The following POLR2F variants were observed in gnomAD, a reference collection of about 807,000 sequenced individuals.
POLR2F encodes the protein DNA-directed RNA polymerases I, II, and III subunit RPABC2.
A neutral mutation model predicts 22.7 loss-of-function variants in POLR2F; 12 were observed. The observed-to-expected ratio is 0.53, with a 90% confidence interval of 0.34 to 0.86. POLR2F has a LOEUF of 0.86. Ranked by LOEUF, POLR2F falls within the 40% of genes least tolerant of loss-of-function variation. The pLI, the probability that POLR2F is intolerant of heterozygous loss-of-function variation, is 0.02. For missense variants in POLR2F, 126 were observed against 171.5 expected (o/e 0.73, Z 1.48); for synonymous variants, 57 against 66.0 (o/e 0.86, Z 0.66).
Position 37,953,706 on chromosome 22 carries a change from G to T in POLR2F, c.-82G>T. 2 of 1,524,692 alleles carry T rather than the reference G, an allele frequency of 1.3e-6. No homozygotes were observed. The highest frequency in any genetic ancestry group is 8.9e-7 in the Non-Finnish European group (1 of 1,126,224). The allele number at this position is 1,524,692 out of a possible 1,614,324, so 94.4% of individuals were successfully genotyped here. On this transcript the variant is annotated 5_prime_UTR_variant, in exon 1 of 5. Coordinates refer to ENST00000442738, the MANE Select transcript of POLR2F (RefSeq NM_021974.5). ...ACGGCGCAGGCGCAAGATAAGCTAGGAGCCGCGCGAGTCGTAGTGTCGCTG... is the reference window on the plus strand; with the variant it reads ...ACGGCGCAGGCGCAAGATAAGCTAGTAGCCGCGCGAGTCGTAGTGTCGCTG...
intron 3 of POLR2F, among the ~76,000 whole-genome samples, chr22:37,960,854 T>TA (rs1931609213): frequency 6.8e-6 from 1 of 147,586 alleles, no homozygotes; most frequent in East Asian, 2.0e-4. Flanking sequence ...CTTTTTTCTT[T>TA]TTTTTTTTTT....
At chr22:37,965,923 G>A (rs1323389092) in intron 3 of POLR2F, among the ~76,000 whole-genome samples, 1 of 152,186 alleles carries the variant, frequency 6.6e-6, no homozygotes, top group South Asian at 2.1e-4. Context: ...TGGCTTCCTA[G>A]AGGAGATGGG....
intron 1 of POLR2F, among the ~76,000 whole-genome samples, chr22:38,001,110 G>A (rs1357442371): frequency 6.6e-6 from 1 of 152,146 alleles, no homozygotes; most frequent in African/African-American, 2.4e-5. Flanking sequence ...AGAAGGACTA[G>A]AGTCAACACT....
chr22:37,971,054 C>T, downstream of POLR2F: 1 of 343,804 alleles, frequency 2.9e-6, no homozygotes, highest in Non-Finnish European at 5.8e-6. Context: ...CTTCTTGGTG[C>T]CCTGCCTCTC....
chr22:38,022,004 G>A lies in POLR2F; in HGVS notation c.121-3865G>A, dbSNP rs542605358. Among the ~76,000 whole-genome samples, 236 of 149,978 alleles carry A rather than the reference G, an allele frequency of 1.6e-3. 1 individual carries two copies. Among genetic ancestry groups the A allele is most frequent in the African/African-American group, 5.5e-3 (222 of 40,664 alleles). On this transcript the variant is annotated intron_variant, in intron 1 of 2. Transcript: ENST00000333418. ...AAATTAGCCAGGCTTGGTGGTGGAC[G>A]CCTGTAATCCCAGCTACTCAGGAGG...
At chr22:38,002,528 A>G (rs1192069357) in intron 1 of POLR2F, among the ~76,000 whole-genome samples, 1 of 152,022 alleles carries the variant, frequency 6.6e-6, no homozygotes, top group Non-Finnish European at 1.5e-5. Flanking sequence ...ACCTGCCACC[A>G]TGCCCGGCTA....
chr22:37,998,834 GGGAGAGGAGAGGAGA>G (rs879845284), intron 1 of POLR2F, among the ~76,000 whole-genome samples: 3 of 151,864 alleles, frequency 2.0e-5, no homozygotes, highest in Admixed American at 1.3e-4. Context: ...GAGAGAGAGA[GGGAGAGGAGAGGAGA>G]GGAGAGGAGA....
rs1316746197 is a variant in POLR2F at position 37,997,221 on chromosome 22, C to T, written c.120+10909C>T. Among the ~76,000 whole-genome samples the T allele has an allele frequency of 6.6e-6, 1 of 152,106 alleles. No homozygotes were observed. On this transcript the variant is annotated intron_variant, in intron 1 of 2. Transcript: ENST00000333418. This position sits in a 1 kb window ranked among gnomAD's most constrained non-coding sequence, Gnocchi z 4.4. The stretch of plus-strand genomic sequence containing the variant: ...CATCCCCTCCTCTGAAGGCCTCTTC[C>T]CCCTGACCTTTCTCCCTTCTTTTCC...
At chr22:37,983,410 C>A, upstream of POLR2F, 1 of 1,610,932 alleles carries the variant, frequency 6.2e-7, no homozygotes, top group Non-Finnish European at 8.5e-7. The surrounding 1 kb of genome is among the most constrained non-coding windows in gnomAD (Gnocchi z 9.5). Context: ...GGTGCGGGTA[C>A]TGGTCCGCGA....
rs1188147371 is a variant in POLR2F, at chr22:38,031,715, CTG to C, written c.453-9350_453-9349del. ...GAAGGTTGCTTCCAGCCTGAAAGTG[CTG>C]TGAGTCCATGTCTCAAACCCGCGTC... is the stretch of plus-strand genomic sequence containing the variant. On this transcript the variant is annotated intron_variant, in intron 5 of 5. Coordinates refer to the POLR2F transcript ENST00000407936. The surrounding 1 kb of genome is among the most constrained non-coding windows in gnomAD (Gnocchi z 4.1). Among the ~76,000 whole-genome samples the C allele has an allele frequency of 1.3e-5, 2 of 152,178 alleles. No individual in the cohort carries two copies. Among genetic ancestry groups the C allele is most frequent in the East Asian group, 3.9e-4 (2 of 5,190 alleles).
chr22:37,994,574 A>G (rs1258874609), intron 1 of POLR2F, among the ~76,000 whole-genome samples: 1 of 152,140 alleles, frequency 6.6e-6, no homozygotes, highest in African/African-American at 2.4e-5. Context: ...GCTGGAGTGC[A>G]GTGGAGTGAT....
chr22:37,965,163 G>A (rs972900048), intron 3 of POLR2F, among the ~76,000 whole-genome samples: 5 of 151,776 alleles, frequency 3.3e-5, no homozygotes, highest in African/African-American at 7.3e-5. Flanking sequence ...GTGCCACCAC[G>A]GCCGGCTAAT....
At chr22:37,983,554 G>A (rs377047321), upstream of POLR2F, 22 of 1,610,366 alleles carry the variant, frequency 1.4e-5, no homozygotes, top group Middle Eastern at 1.6e-4. The surrounding 1 kb of genome is among the most constrained non-coding windows in gnomAD (Gnocchi z 9.5). Context: ...TGAGCACCTG[G>A]CTGACGGCCT....
chr22:37,954,304 A>G (rs1400024688), intron 1 of POLR2F, among the ~76,000 whole-genome samples: 1 of 151,178 alleles, frequency 6.6e-6, no homozygotes, highest in Non-Finnish European at 1.5e-5. Flanking sequence ...CCTTTGCAGT[A>G]ATTTTTTTTT....
intron 1 of POLR2F, among the ~76,000 whole-genome samples, chr22:38,003,912 C>T (rs1486738215): frequency 6.6e-6 from 1 of 152,136 alleles, no homozygotes; most frequent in African/African-American, 2.4e-5. Context: ...ACTCTCAAAG[C>T]ATTGTGGCAG....
chr22:37,986,005 C>CG, upstream of POLR2F: 3 of 1,306,538 alleles, frequency 2.3e-6, no homozygotes, highest in Non-Finnish European at 3.0e-6. The surrounding 1 kb of genome is among the most constrained non-coding windows in gnomAD (Gnocchi z 4.7). Flanking sequence ...ACCCCCGGCG[C>CG]TGCCAACCCT....
At chr22:37,981,313 C>T (rs1295912039), upstream of POLR2F, among the ~76,000 whole-genome samples, 1 of 152,250 alleles carries the variant, frequency 6.6e-6, no homozygotes, top group Admixed American at 6.5e-5. Flanking sequence ...CAGGACCCCC[C>T]TCCAGGGTCC....
At chr22:37,995,606 A>C (rs2084705394) in intron 1 of POLR2F, among the ~76,000 whole-genome samples, 1 of 152,202 alleles carries the variant, frequency 6.6e-6, no homozygotes, top group African/African-American at 2.4e-5. Flanking sequence ...TCATGAGGGC[A>C]GCTTCCTAAG....
chr22:38,008,100 C>T (rs762835151), intron 1 of POLR2F, among the ~76,000 whole-genome samples: 2 of 152,090 alleles, frequency 1.3e-5, no homozygotes, highest in South Asian at 4.1e-4. Flanking sequence ...GTTAGCCGGG[C>T]GTGGTGGCAC....
Sources: gnomAD v4.1 joint callset for allele counts (sites outside exome capture counted in the v4.1 genomes callset) on GRCh38, gnomAD v4.1.1 for gene constraint, Gnocchi (gnomAD v3.1) non-coding constraint, MANE v1.5 for transcripts, NCBI Gene and HGNC (gene_info 2026-07-23, HGNC 2026-07-21) for gene names.